SNAPC4: variants seen among roughly 807,000 people sequenced by gnomAD.
The protein encoded by SNAPC4 is small nuclear RNA activating complex polypeptide 4, also known as snRNA-activating protein complex subunit 4.
In SNAPC4, 127 loss-of-function variants were observed where a neutral mutation model predicts 151.3. The observed-to-expected ratio is 0.84, with a 90% CI of 0.73 to 0.97. SNAPC4 has a LOEUF of 0.97. Ranked by LOEUF, SNAPC4 falls within the 50% of genes least tolerant of loss-of-function variation. The pLI is 0.00. For missense variants in SNAPC4, 2,186 were observed against 1,935.0 expected (o/e 1.13, Z -2.43); for synonymous variants, 1,002 against 824.4 (o/e 1.22, Z -3.69).
At chr9:136,393,676 C>T (rs1019805710) in intron 7 of SNAPC4, among the ~76,000 whole-genome samples, 4 of 151,204 alleles carry the variant, frequency 2.6e-5, no homozygotes, top group Admixed American at 6.6e-5. Context: ...TCATCGTGGC[C>T]GTGTGGACCG....
chr9:136,379,937 G>T (rs955538816), intron 20 of SNAPC4, 73 bp from the exon 21 acceptor site: 17 of 1,504,186 alleles, frequency 1.1e-5, no homozygotes, highest in Non-Finnish European at 1.5e-5. Context: ...CCTAGCATCT[G>T]GACTATCCCC....
intron 7 of SNAPC4, among the ~76,000 whole-genome samples, chr9:136,393,448 G>A (rs1209396065): frequency 1.3e-5 from 2 of 152,068 alleles, no homozygotes; most frequent in African/African-American, 4.8e-5. Context: ...TCTGGGCTCT[G>A]GGAGCAGCTC....
chr9:136,384,103 C>T (rs955319319), intron 14 of SNAPC4, 71 bp from the exon 15 acceptor site: 2 of 1,355,628 alleles, frequency 1.5e-6, no homozygotes, highest in Non-Finnish European at 2.1e-6. Flanking sequence ...TGCTGTTCCC[C>T]AGGAGACTCG....
intron 2 of SNAPC4, 87 bp downstream of exon 2, chr9:136,398,212 T>C: frequency 1.4e-6 from 2 of 1,411,182 alleles, no homozygotes; most frequent in Non-Finnish European, 9.6e-7. Flanking sequence ...CCGGCTACCA[T>C]CACTCCCTAA....
Position 136,383,463 on chromosome 9 carries a change from A to G in SNAPC4, c.1706T>C (p.Met569Thr), listed in dbSNP as rs1479167972. Residue 569 changes from methionine to threonine, a missense_variant, in exon 16 of 24, where the codon ATG becomes ACG. Physicochemically the swap from Met to Thr is moderately conservative, Grantham distance 81. Transcript: ENST00000684778. This position sits in a 1 kb window ranked among gnomAD's most constrained non-coding sequence, Gnocchi z 4.2. ...CTGCCTGGCAGGAACCCACAGGTCC[A>G]TGTCCGGGACCATGTACTGTGGGGA... ...LLSPQYMVPD[M>T]DLWVPARQST... 4.5e-6 allele frequency: 7 copies of G among 1,562,630 alleles called. No individual in the cohort carries two copies. The highest frequency in any genetic ancestry group is 1.9e-5 in the Admixed American group (1 of 52,100).
chr9:136,388,894 A>G (rs993522794), intron 10 of SNAPC4, among the ~76,000 whole-genome samples: 3 of 152,184 alleles, frequency 2.0e-5, no homozygotes, highest in African/African-American at 4.8e-5. Flanking sequence ...CCACACTGCA[A>G]CTCACTCAAC....
At chr9:136,394,192 G>C in intron 7 of SNAPC4, 57 bp downstream of exon 7, 2 of 1,392,136 alleles carry the variant, frequency 1.4e-6, no homozygotes, top group South Asian at 2.3e-5. Context: ...TGGGATTCCA[G>C]GCATGAGCCC....
rs1255720108 is a variant in SNAPC4, at chr9:136,397,550, G to A, written c.131-527C>T. On this transcript the variant is annotated intron_variant, in intron 2 of 23. Transcript: ENST00000684778. ...GCATGGAGGAGAGCATGTGGGGAGGGGAGCATGTTGGGAGGAGAGGCTGTG... is the reference window on the plus strand; with the variant it reads ...GCATGGAGGAGAGCATGTGGGGAGGAGAGCATGTTGGGAGGAGAGGCTGTG... Among the ~76,000 whole-genome samples, 3 of 143,760 alleles carry A rather than the reference G, an allele frequency of 2.1e-5. No individual in the cohort carries two copies. The East Asian group carries it at 6.2e-4, about 30-fold the overall frequency. 94.3% of individuals were successfully genotyped at this position (143,760 alleles called of 152,430 possible). A position where few individuals can be genotyped will look rare whatever the true frequency, so the allele number is the denominator to read the frequency against.
intron 22 of SNAPC4, among the ~76,000 whole-genome samples, chr9:136,377,229 G>A (rs1737165573): frequency 2.0e-5 from 3 of 152,220 alleles, no homozygotes; most frequent in African/African-American, 7.2e-5. Context: ...TCAGAGCCGG[G>A]TCAGCGTCCA....
Position 136,376,398 on chromosome 9 carries a change from G to C in SNAPC4, c.4368C>G (p.Thr1456=). Reference sequence around the variant, plus strand: ...GCTTCCGGGTGTGCCTGGCATGCCGGGTTCTGAGCACGTCCAGGTCGTCAG... The same window carrying C: ...GCTTCCGGGTGTGCCTGGCATGCCGCGTTCTGAGCACGTCCAGGTCGTCAG... ...NDPDDLDVLR[T]RHARHTRKRR... The change falls in exon 23 of 24, where the codon ACC becomes ACG. Residue 1456 remains threonine (T), a synonymous_variant. Coordinates refer to ENST00000684778, the MANE Select transcript of SNAPC4 (RefSeq NM_003086.4). 1.2e-6 allele frequency: 2 copies of C among 1,613,448 alleles called. No individual in the cohort carries two copies. The highest frequency in any genetic ancestry group is 1.1e-5 in the South Asian group (1 of 91,082).
At chr9:136,388,984 T>C (rs1190821726) in intron 10 of SNAPC4, among the ~76,000 whole-genome samples, 6 of 152,198 alleles carry the variant, frequency 3.9e-5, no homozygotes, top group African/African-American at 1.4e-4. Context: ...TGCTAGCACC[T>C]TCTCTCCCTT....
intron 9 of SNAPC4, among the ~76,000 whole-genome samples, 160 bp from the exon 10 acceptor site, chr9:136,392,266 T>C (rs113720648): frequency 1.6e-4 from 25 of 152,148 alleles, no homozygotes; most frequent in African/African-American, 5.3e-4. Flanking sequence ...TAGCCAAACA[T>C]GTAGACTTGG....
In SNAPC4 at chr9:136,383,971, C is replaced by T. The variant is rs1380814165; in HGVS notation, c.1482G>A (p.Lys494=). 1.2e-5 allele frequency: 20 copies of T among 1,613,650 alleles called. No homozygotes were observed. Among genetic ancestry groups the T allele is most frequent in the Non-Finnish European group, 1.6e-5 (19 of 1,179,964 alleles). ...PHRSGSQCLS[K]WKIMMGKKQG... ...GGCTCACCCCCATCATGATCTTCCA[C>T]TTGCTCAGACACTGGGAGCCAGACC... Residue 494 remains lysine (K), a synonymous_variant, in exon 15 of 24, where the codon AAG becomes AAA. Coordinates refer to ENST00000684778, the MANE Select transcript of SNAPC4 (RefSeq NM_003086.4). This position sits in a 1 kb window ranked among gnomAD's most constrained non-coding sequence, Gnocchi z 4.2.
intron 19 of SNAPC4, 22 bp from the exon 20 acceptor site, chr9:136,380,872 C>A (rs776255489): frequency 7.2e-7 from 1 of 1,392,658 alleles, no homozygotes; most frequent in African/African-American, 1.4e-5. Flanking sequence ...AGGAGGCAAC[C>A]TAACCATAGC....
chr9:136,379,534 G>A (rs1190747710), intron 21 of SNAPC4, among the ~76,000 whole-genome samples: 3 of 152,222 alleles, frequency 2.0e-5, no homozygotes, highest in Non-Finnish European at 4.4e-5. Context: ...ATTTAATGCT[G>A]GCTGAGATCA....
At position 136,391,844 on chromosome 9, in the gene SNAPC4, T is replaced by TGGGGACCCCGCACCCGTC. The variant is rs1588761203; in HGVS notation, c.975+97_975+98insGACGGGTGCGGGGTCCCC. The TGGGGACCCCGCACCCGTC allele has an allele frequency of 2.3e-6, 3 of 1,312,710 alleles. No individual in the cohort carries two copies. In the East Asian group the frequency reaches 7.1e-5, roughly 31 times the overall value. 81.3% of individuals were successfully genotyped at this position (1,312,710 alleles called of 1,614,324 possible). On this transcript the variant is annotated intron_variant, in intron 10 of 23. Transcript: ENST00000684778. Reference sequence around the variant, plus strand: ...CAACACATAGAAACCTGGCGGTGAGTGAGCACTGGGGACCCCGCACCCGTC... The same window carrying TGGGGACCCCGCACCCGTC: ...CAACACATAGAAACCTGGCGGTGAGTGGGGACCCCGCACCCGTCGAGCACTGGGGACCCCGCACCCGTC...
At position 136,395,305 on chromosome 9, in the gene SNAPC4, G is replaced by A. The variant is rs368654143; in HGVS notation, c.464C>T (p.Thr155Met). The A allele has an allele frequency of 3.6e-5, 58 of 1,613,288 alleles. No homozygotes were observed. The highest frequency in any genetic ancestry group is 3.0e-4 in the South Asian group (27 of 91,030). The part of the protein sequence containing the change: ...FMKPYFKDKV[T>M]GVGPPANEDT... Reference sequence around the variant, plus strand: ...AGGGCCTCGGCCACTCACCACGCCCGTGACCTTGTCCTTGAAATACGGCTT... The same window carrying A: ...AGGGCCTCGGCCACTCACCACGCCCATGACCTTGTCCTTGAAATACGGCTT... Residue 155 changes from threonine (T) to methionine (M), a missense_variant, in exon 5 of 24, where the codon ACG (threonine) becomes ATG (methionine). Coordinates refer to ENST00000684778, the MANE Select transcript of SNAPC4 (RefSeq NM_003086.4).
intron 16 of SNAPC4, among the ~76,000 whole-genome samples, 178 bp from the exon 17 acceptor site, chr9:136,382,514 C>A (rs964673376): frequency 6.6e-6 from 1 of 152,348 alleles, no homozygotes; most frequent in African/African-American, 2.4e-5. Flanking sequence ...CCAGGCAGGG[C>A]CTCCCAGCTA....
chr9:136,381,404 G>C lies in SNAPC4; in HGVS notation c.2318-12C>G, dbSNP rs749701211. ...CCTGAGGCCATCCGCTGCGGGCACA[G>C]GGGGATAAGTGGAAAGCAGCCCCAG... On this transcript the variant is annotated splice_polypyrimidine_tract_variant and intron_variant, in intron 18 of 23. Coordinates refer to ENST00000684778, the MANE Select transcript of SNAPC4 (RefSeq NM_003086.4). 1.2e-6 allele frequency: 2 copies of C among 1,610,708 alleles called. No homozygotes were observed. The highest frequency in any genetic ancestry group is 2.2e-5 in the South Asian group (2 of 91,032).
Sources: allele counts gnomAD v4.1 joint callset (sites outside exome capture counted in the v4.1 genomes callset), GRCh38; gene constraint gnomAD v4.1.1; non-coding constraint Gnocchi (gnomAD v3.1); transcripts MANE v1.5; gene names NCBI Gene and HGNC (gene_info 2026-07-23, HGNC 2026-07-21).